PRKAR2B: variants seen among roughly 807,000 people sequenced by gnomAD.
PRKAR2B encodes cAMP-dependent protein kinase type II-beta regulatory subunit.
In PRKAR2B, 14 loss-of-function variants were observed where a neutral mutation model predicts 49.9. The observed-to-expected ratio is 0.28, with a 90% CI of 0.19 to 0.44. The LOEUF (loss-of-function observed/expected upper bound fraction) is 0.44. Ranked by LOEUF, PRKAR2B falls within the 20% of genes least tolerant of loss-of-function variation. The pLI, the probability that PRKAR2B is intolerant of heterozygous loss-of-function variation, is 1.00. For missense variants in PRKAR2B, 393 were observed against 537.9 expected, an observed-to-expected ratio of 0.73 and a Z score of 2.67; for synonymous variants, 196 against 197.7, an observed-to-expected ratio of 0.99 and a Z score of 0.07.
chr7:107,132,185 A>C (rs1795614916), intron 4 of PRKAR2B, among the ~76,000 whole-genome samples: 1 of 152,206 alleles, frequency 6.6e-6, no homozygotes, highest in African/African-American at 2.4e-5. Flanking sequence ...CCAGGTGAGG[A>C]AAAGTACAGA....
chr7:107,132,458 A>G (rs76486009), intron 4 of PRKAR2B, among the ~76,000 whole-genome samples: 1,735 of 152,320 alleles, frequency 0.011, 22 homozygotes, highest in Admixed American at 0.031. Context: ...AAACAGGGGA[A>G]GCAGACAAGA....
intron 8 of PRKAR2B, among the ~76,000 whole-genome samples, chr7:107,153,868 G>T (rs1796032384): frequency 6.6e-6 from 1 of 152,168 alleles, no homozygotes; most frequent in Non-Finnish European, 1.5e-5. Context: ...TATTTTTGAA[G>T]CACTAAGCAA....
intron 10 of PRKAR2B, among the ~76,000 whole-genome samples, chr7:107,157,680 T>G (rs1796119327): frequency 6.6e-6 from 1 of 152,230 alleles, no homozygotes. Context: ...AGTCCGTTAT[T>G]AAGATCTGCG....
At chr7:107,051,676 A>G (rs1357161967) in intron 1 of PRKAR2B, among the ~76,000 whole-genome samples, 1 of 152,210 alleles carries the variant, frequency 6.6e-6, no homozygotes, top group Non-Finnish European at 1.5e-5. Context: ...AACTATAAAC[A>G]GTTGGTGTAA....
At chr7:107,157,156 A>G in intron 9 of PRKAR2B, 30 bp from the exon 10 acceptor site, 4 of 1,608,894 alleles carry the variant, frequency 2.5e-6, no homozygotes, top group East Asian at 4.5e-5. Context: ...TAAGCTGAGG[A>G]AAAGCTCATC....
At chr7:107,072,531 C>T (rs879868695) in intron 2 of PRKAR2B, among the ~76,000 whole-genome samples, 1 of 152,104 alleles carries the variant, frequency 6.6e-6, no homozygotes, top group Non-Finnish European at 1.5e-5. Flanking sequence ...TTTATTTAAT[C>T]ATCTACTTCT....
At chr7:107,106,615 T>A (rs1795078450) in intron 2 of PRKAR2B, among the ~76,000 whole-genome samples, 1 of 152,182 alleles carries the variant, frequency 6.6e-6, no homozygotes, top group Non-Finnish European at 1.5e-5. Context: ...CTGCAAGGGA[T>A]GCAGGTTTGA....
intron 1 of PRKAR2B, among the ~76,000 whole-genome samples, chr7:107,051,745 TA>T (rs201545678): frequency 1.2e-4 from 18 of 147,066 alleles, no homozygotes; most frequent in East Asian, 5.9e-4. Flanking sequence ...GTTTGGAAAC[TA>T]AAAAAAAAAG....
At position 107,112,041 on chromosome 7, in the gene PRKAR2B, G is replaced by A. The variant is rs74404644; in HGVS notation, c.344-9911G>A. On this transcript the variant is annotated intron_variant, in intron 2 of 10. Coordinates refer to ENST00000265717, the MANE Select transcript of PRKAR2B (RefSeq NM_002736.3). ...AAAAAAAAAAAAGCCAGGAACAGTC[G>A]TGTGCTCCTGTAGTCCTAGTTACTT... Among the ~76,000 whole-genome samples the A allele has an allele frequency of 1.6e-3, 231 of 142,422 alleles. 6 individuals are homozygous for A. The East Asian group carries it at 0.038, about 24-fold the overall frequency. 93.4% of individuals were successfully genotyped at this position (142,422 alleles called of 152,430 possible).
At chr7:107,110,964 C>A (rs1795159228) in intron 2 of PRKAR2B, among the ~76,000 whole-genome samples, 1 of 152,170 alleles carries the variant, frequency 6.6e-6, no homozygotes, top group Non-Finnish European at 1.5e-5. Flanking sequence ...ACTAAGTGGG[C>A]TTTTGGGGTC....
chr7:107,088,994 C>T (rs555007800), intron 2 of PRKAR2B, among the ~76,000 whole-genome samples: 1 of 151,886 alleles, frequency 6.6e-6, no homozygotes, highest in African/African-American at 2.4e-5. Flanking sequence ...CATGGTAAAA[C>T]CCCGTCTCTA....
intron 5 of PRKAR2B, among the ~76,000 whole-genome samples, chr7:107,142,771 G>GT (rs796487348): frequency 7.7e-4 from 112 of 145,744 alleles, no homozygotes; most frequent in South Asian, 2.0e-3. Flanking sequence ...TTTTTTGTTT[G>GT]TTTTTTTTTT....
intron 4 of PRKAR2B, among the ~76,000 whole-genome samples, chr7:107,132,654 A>C (rs1795624026): frequency 6.6e-6 from 1 of 152,202 alleles, no homozygotes; most frequent in African/African-American, 2.4e-5. Context: ...GATGGCTCCC[A>C]GTGTCTAGCT....
At chr7:107,047,597 G>T (rs1233576965) in intron 1 of PRKAR2B, among the ~76,000 whole-genome samples, 1 of 151,914 alleles carries the variant, frequency 6.6e-6, no homozygotes, top group African/African-American at 2.4e-5. Flanking sequence ...TAAAAAGTAT[G>T]AGCCTATCAG....
rs1343363371 is a variant in PRKAR2B, at chr7:107,153,164, T to C, written c.844-13T>C. 2 of 1,596,930 alleles carry C rather than the reference T, an allele frequency of 1.3e-6. No homozygotes were observed. The highest frequency in any genetic ancestry group is 8.5e-7 in the Non-Finnish European group (1 of 1,170,780). On this transcript the variant is annotated splice_polypyrimidine_tract_variant and intron_variant, in intron 7 of 10. Coordinates refer to ENST00000265717, the MANE Select transcript of PRKAR2B (RefSeq NM_002736.3). The stretch of plus-strand genomic sequence containing the variant: ...ATTTGTTTCTATTTAATATTGTTTT[T>C]CTTTCTTTGTAGTTTTCTGAACGCC...
chr7:107,140,784 G>C, intron 4 of PRKAR2B, 63 bp from the exon 5 acceptor site: 2 of 1,187,698 alleles, frequency 1.7e-6, no homozygotes, highest in African/African-American at 3.1e-5. Flanking sequence ...TATAACTGTG[G>C]TTACTTAAGA....
At chr7:107,125,730 G>A (rs1795469810) in intron 3 of PRKAR2B, among the ~76,000 whole-genome samples, 1 of 152,130 alleles carries the variant, frequency 6.6e-6, no homozygotes, top group African/African-American at 2.4e-5. Context: ...AGGGAAAAGG[G>A]AAACAGGAGG....
At chr7:107,115,366 A>G (rs1177192715) in intron 2 of PRKAR2B, among the ~76,000 whole-genome samples, 1 of 152,238 alleles carries the variant, frequency 6.6e-6, no homozygotes, top group Non-Finnish European at 1.5e-5. Context: ...GTACTATTTC[A>G]TGAACAGTGC....
intron 10 of PRKAR2B, among the ~76,000 whole-genome samples, chr7:107,158,088 A>G (rs1005200574): frequency 1.3e-5 from 2 of 152,222 alleles, no homozygotes; most frequent in African/African-American, 4.8e-5. Context: ...GTATAATATT[A>G]ATCAAGTGTT....
Sources: allele counts gnomAD v4.1 joint callset (sites outside exome capture counted in the v4.1 genomes callset), GRCh38; gene constraint gnomAD v4.1.1; transcripts MANE v1.5; gene names NCBI Gene and HGNC (gene_info 2026-07-23, HGNC 2026-07-21).